Variants in GARIN3 observed in about 807,000 individuals in gnomAD.
The protein encoded by GARIN3 is Golgi-associated RAB2 interactor protein 3.
chr5:157,165,424 C>T, the GARIN3 span: 8 of 1,344,940 alleles, frequency 5.9e-6, no homozygotes, highest in South Asian at 1.0e-4. Context: ...CTAGTAGTGG[C>T]TCATTTGGTC....
At chr5:157,163,640 C>T in the GARIN3 span, 1 of 1,613,546 alleles carries the variant, frequency 6.2e-7, no homozygotes, top group Admixed American at 1.7e-5. Context: ...TGATCCCCTT[C>T]TCTGTGGAGC....
At chr5:157,165,468 T>C in the GARIN3 span, 5 of 1,505,222 alleles carry the variant, frequency 3.3e-6, no homozygotes, top group Non-Finnish European at 4.4e-6. Context: ...TTTTTCCAGG[T>C]GGGCCTCAGA....
chr5:157,162,831 A>G, the GARIN3 span: 15 of 1,613,198 alleles, frequency 9.3e-6, no homozygotes, highest in Admixed American at 1.8e-4. Context: ...CTTTTTTGTC[A>G]TCTCTCGTGT....
chr5:157,163,503 A>C, the GARIN3 span: 2 of 1,614,132 alleles, frequency 1.2e-6, no homozygotes, highest in Non-Finnish European at 1.7e-6. Flanking sequence ...CAGCCCCTGG[A>C]GTGCTCGTGG....
chr5:157,163,178 C>T, the GARIN3 span: 1 of 1,613,408 alleles, frequency 6.2e-7, no homozygotes. Flanking sequence ...AGACTGGCGG[C>T]CCCCGCCATC....
At chr5:157,166,164 C>T in the GARIN3 span, 1 of 1,606,640 alleles carries the variant, frequency 6.2e-7, no homozygotes, top group Non-Finnish European at 8.5e-7. Context: ...AGATTCATTG[C>T]TCATGGTTCT....
At chr5:157,162,330 T>A in the GARIN3 span, 1 of 1,424,874 alleles carries the variant, frequency 7.0e-7, no homozygotes, top group East Asian at 2.3e-5. Context: ...CAGGAGATTG[T>A]ATTTCTTTTG....
At chr5:157,162,894 C>T in the GARIN3 span, 40 of 1,614,070 alleles carry the variant, frequency 2.5e-5, no homozygotes, top group Middle Eastern at 3.3e-4. Context: ...TCTTGTCCCC[C>T]GCTCTCCTGC....
chr5:157,162,388 G>T, the GARIN3 span: 224,224 of 1,545,710 alleles, frequency 0.15, 17,214 homozygotes, highest in East Asian at 0.22. Flanking sequence ...AAGAAAGCTG[G>T]GATGGGCTCC....
the GARIN3 span, chr5:157,165,934 G>A: frequency 6.2e-7 from 1 of 1,614,136 alleles, no homozygotes; most frequent in Non-Finnish European, 8.5e-7. Flanking sequence ...GGGAGGATGG[G>A]GCTGGTGCAG....
At chr5:157,162,474 C>A in the GARIN3 span, 1 of 1,613,992 alleles carries the variant, frequency 6.2e-7, no homozygotes, top group Non-Finnish European at 8.5e-7. Flanking sequence ...CAAAGACGAT[C>A]ATCTCCGTCT....
the GARIN3 span, chr5:157,163,763 A>G: frequency 6.9e-7 from 1 of 1,443,998 alleles, no homozygotes; most frequent in South Asian, 1.4e-5. Context: ...GCTTATAATT[A>G]GAAGAACCTG....
the GARIN3 span, chr5:157,162,379 A>G: frequency 1.3e-6 from 2 of 1,537,694 alleles, no homozygotes; most frequent in African/African-American, 1.4e-5. Context: ...ACTGCAGTAA[A>G]GAAAGCTGGG....
the GARIN3 span, chr5:157,163,169 G>C: frequency 6.2e-7 from 1 of 1,614,170 alleles, no homozygotes. Context: ...TCTTGGGAGA[G>C]ACTGGCGGCC....
the GARIN3 span, chr5:157,163,525 G>T: frequency 1.9e-6 from 3 of 1,614,028 alleles, no homozygotes; most frequent in East Asian, 2.2e-5. Context: ...TGGAGAAGCC[G>T]CACTAGCCGT....
the GARIN3 span, chr5:157,165,841 C>T: frequency 2.5e-6 from 4 of 1,614,112 alleles, no homozygotes; most frequent in Non-Finnish European, 3.4e-6. Context: ...GGCCTGCGAC[C>T]TCTCCCCTTG....
the GARIN3 span, chr5:157,165,615 G>T: frequency 6.2e-7 from 1 of 1,614,038 alleles, no homozygotes; most frequent in Non-Finnish European, 8.5e-7. Context: ...AAGTGTTGGG[G>T]TACTGCAGTA....
the GARIN3 span, chr5:157,165,655 C>A: frequency 1.8e-5 from 29 of 1,614,144 alleles, no homozygotes; most frequent in East Asian, 4.0e-4. Flanking sequence ...AGGAGATAGA[C>A]AAGTTTTTCC....
At chr5:157,162,895 G>C in the GARIN3 span, 1 of 1,613,936 alleles carries the variant, frequency 6.2e-7, no homozygotes, top group Admixed American at 1.7e-5. Context: ...CTTGTCCCCC[G>C]CTCTCCTGCG....
Sources: allele counts gnomAD v4.1 joint callset, GRCh38; gene constraint gnomAD v4.1.1; transcripts MANE v1.5; gene names NCBI Gene and HGNC (gene_info 2026-07-23, HGNC 2026-07-21).